EFHD1: variants seen among roughly 807,000 people sequenced by gnomAD.
EFHD1 encodes the protein EF-hand domain family member D1.
A neutral mutation model predicts 17.2 loss-of-function variants in EFHD1; 10 were observed. That is an observed-to-expected ratio of 0.58 (90% CI 0.36 to 0.99). EFHD1 has a LOEUF of 0.99. Ranked by LOEUF, EFHD1 falls within the 50% of genes least tolerant of loss-of-function variation. The probability of loss-of-function intolerance (pLI) is 0.01; values close to 1 mark genes in which losing one functional copy is unlikely to be tolerated. For missense variants in EFHD1, 310 were observed against 327.5 expected, an observed-to-expected ratio of 0.95 and a Z score of 0.41; for synonymous variants, 153 against 142.0, an observed-to-expected ratio of 1.08 and a Z score of -0.55.
At chr2:232,655,138 G>A (rs556174210) in intron 1 of EFHD1, among the ~76,000 whole-genome samples, 1 of 152,306 alleles carries the variant, frequency 6.6e-6, no homozygotes, top group African/African-American at 2.4e-5. Context: ...GTGAGCGGTG[G>A]GCAGAAGACA....
intron 1 of EFHD1, among the ~76,000 whole-genome samples, chr2:232,641,981 C>T (rs1694440625): frequency 6.6e-6 from 1 of 152,182 alleles, no homozygotes; most frequent in South Asian, 2.1e-4. Context: ...AGCTGGCGCT[C>T]ACAGCTGGAG....
intron 3 of EFHD1, among the ~76,000 whole-genome samples, chr2:232,680,475 A>G (rs1363186550): frequency 1.3e-5 from 2 of 152,186 alleles, no homozygotes; most frequent in Non-Finnish European, 2.9e-5. Context: ...AGAAGTAAAT[A>G]TAGAACAATT....
At chr2:232,637,954 A>G (rs77399214) in intron 1 of EFHD1, among the ~76,000 whole-genome samples, 1,965 of 152,252 alleles carry the variant, frequency 0.013, 18 homozygotes, top group South Asian at 0.022. Flanking sequence ...GACCTAACAA[A>G]TGAGGCTGGC....
chr2:232,666,854 C>T (rs75866454), intron 2 of EFHD1, among the ~76,000 whole-genome samples: 4,978 of 152,146 alleles, frequency 0.033, 178 homozygotes, highest in East Asian at 0.21. Flanking sequence ...TGCTTAAGGC[C>T]CTAGTGGACC....
intron 1 of EFHD1, among the ~76,000 whole-genome samples, chr2:232,619,042 C>T (rs932389515): frequency 6.6e-5 from 10 of 151,468 alleles, no homozygotes; most frequent in Non-Finnish European, 1.0e-4. Context: ...CCAGCTACTC[C>T]GGAGGCCGAG....
intron 1 of EFHD1, among the ~76,000 whole-genome samples, chr2:232,627,055 TA>T (rs1559340071): frequency 1.1e-4 from 13 of 115,620 alleles, no homozygotes; most frequent in East Asian, 3.1e-4. Flanking sequence ...TATATATATA[TA>T]TATATATATT....
chr2:232,633,748 G>A lies in EFHD1; in HGVS notation c.44G>A (p.Arg15Gln). 1.4e-6 allele frequency: 2 copies of A among 1,469,306 alleles called. No homozygotes were observed. Among genetic ancestry groups the A allele is most frequent in the Non-Finnish European group, 1.8e-6 (2 of 1,118,846 alleles). 91.0% of individuals were successfully genotyped at this position (1,469,306 alleles called of 1,614,324 possible). A position where few individuals can be genotyped will look rare whatever the true frequency, so the allele number is the denominator to read the frequency against. The change falls in exon 1 of 4, where the codon CGG becomes CAG. Residue 15 changes from arginine (R) to glutamine (Q), a missense_variant. Arg to Gln is a conservative substitution (Grantham distance 43). Coordinates refer to ENST00000264059, the MANE Select transcript of EFHD1 (RefSeq NM_025202.4). ...ELACKLERRL[R>Q]REEAEESGPQ... ...GCGTGCAAGCTGGAGCGCCGGCTGC[G>A]GCGCGAGGAGGCCGAGGAGAGTGGC... is the stretch of plus-strand genomic sequence containing the variant.
intron 1 of EFHD1, among the ~76,000 whole-genome samples, chr2:232,646,646 TG>T (rs531433889): frequency 4.9e-4 from 75 of 152,182 alleles, no homozygotes; most frequent in Non-Finnish European, 9.4e-4. Flanking sequence ...GGTTTCACCA[TG>T]TTGGCCAGGC....
chr2:232,672,140 G>T (rs981165898), intron 2 of EFHD1, among the ~76,000 whole-genome samples, 169 bp from the exon 3 acceptor site: 22 of 152,116 alleles, frequency 1.4e-4, no homozygotes, highest in African/African-American at 5.1e-4. Flanking sequence ...GGAAAAATCG[G>T]CATGTTTTCA....
chr2:232,676,347 C>G (rs1342628697), intron 3 of EFHD1, among the ~76,000 whole-genome samples: 1 of 152,146 alleles, frequency 6.6e-6, no homozygotes, highest in African/African-American at 2.4e-5. Flanking sequence ...TGATCACATC[C>G]TGTTTGACCG....
chr2:232,655,400 C>A (rs1429552063), intron 1 of EFHD1, among the ~76,000 whole-genome samples: 1 of 152,206 alleles, frequency 6.6e-6, no homozygotes, highest in Non-Finnish European at 1.5e-5. Context: ...CCTTGAAAAA[C>A]CGCATTGCCA....
Position 232,607,920 on chromosome 2 carries a change from C to A in EFHD1, c.14+1747C>A, listed in dbSNP as rs943063480. Among the ~76,000 whole-genome samples, 5 of 137,916 alleles carry A rather than the reference C, an allele frequency of 3.6e-5. No individual in the cohort carries two copies. The Admixed American group carries it at 3.7e-4, about 10-fold the overall frequency. 90.5% of individuals were successfully genotyped at this position (137,916 alleles called of 152,430 possible). A position where few individuals can be genotyped will look rare whatever the true frequency, so the allele number is the denominator to read the frequency against. On this transcript the variant is annotated intron_variant, in intron 1 of 3. Coordinates refer to the EFHD1 transcript ENST00000409613. ...ACCAGCCTGGGCAACACAGCAAGAC[C>A]CTGTCTCTATTTTTTTTAATTAATT...
chr2:232,661,231 G>A (rs755673049), intron 1 of EFHD1, among the ~76,000 whole-genome samples: 10 of 151,678 alleles, frequency 6.6e-5, no homozygotes, highest in Admixed American at 3.9e-4. Context: ...TCACATTATC[G>A]TGCTGCCATC....
chr2:232,631,812 G>C (rs1694208626), upstream of EFHD1, among the ~76,000 whole-genome samples: 1 of 150,984 alleles, frequency 6.6e-6, no homozygotes, highest in Admixed American at 6.6e-5. Flanking sequence ...AACCAGCCTA[G>C]CCAACATGGA....
upstream of EFHD1, among the ~76,000 whole-genome samples, chr2:232,630,529 C>T (rs576109000): frequency 2.0e-3 from 312 of 152,276 alleles, 1 homozygote; most frequent in African/African-American, 7.0e-3. Context: ...AGATGATGTG[C>T]CTTTTGAGAG....
chr2:232,647,763 A>G (rs1231634988), intron 1 of EFHD1, among the ~76,000 whole-genome samples: 2 of 151,850 alleles, frequency 1.3e-5, no homozygotes, highest in Non-Finnish European at 2.9e-5. Context: ...TAGCCTCCCA[A>G]GTAGCTGGGA....
intron 1 of EFHD1, chr2:232,606,192 C>T: frequency 6.8e-7 from 1 of 1,481,408 alleles, no homozygotes; most frequent in Non-Finnish European, 9.1e-7. Flanking sequence ...TCTTTAAATC[C>T]CCTTTCACCC....
intron 3 of EFHD1, among the ~76,000 whole-genome samples, chr2:232,681,086 A>T (rs182553853): frequency 1.3e-5 from 2 of 152,012 alleles, no homozygotes; most frequent in Non-Finnish European, 2.9e-5. Flanking sequence ...AACCTGGGAG[A>T]TGGAGATTGC....
chr2:232,666,523 C>G (rs1229304613), intron 2 of EFHD1, among the ~76,000 whole-genome samples: 9 of 152,210 alleles, frequency 5.9e-5, no homozygotes, highest in African/African-American at 2.2e-4. Context: ...AAGATGCATT[C>G]CGCCTTCTGC....
Sources: allele counts gnomAD v4.1 joint callset (sites outside exome capture counted in the v4.1 genomes callset), GRCh38; gene constraint gnomAD v4.1.1; transcripts MANE v1.5; gene names NCBI Gene and HGNC (gene_info 2026-07-23, HGNC 2026-07-21).